SERBP1: variants seen among roughly 807,000 people sequenced by gnomAD.
The protein encoded by SERBP1 is SERPINE1 mRNA-binding protein 1.
A neutral mutation model predicts 50.2 loss-of-function variants in SERBP1; 6 were observed. The ratio of observed to expected loss-of-function variants is 0.12; its 90% CI spans 0.07 to 0.24. The LOEUF (loss-of-function observed/expected upper bound fraction) is 0.24. SERBP1 is among the 10% of genes least tolerant of loss of function. The pLI is 1.00. For missense variants in SERBP1, 346 were observed against 524.9 expected, an observed-to-expected ratio of 0.66 and a Z score of 3.33; for synonymous variants, 168 against 182.8, an observed-to-expected ratio of 0.92 and a Z score of 0.65.
At position 67,430,127 on chromosome 1, in the gene SERBP1, C is replaced by G. The variant is rs1184070024; in HGVS notation, c.174G>C (p.Ala58=). 1.9e-6 allele frequency: 3 copies of G among 1,611,858 alleles called. No homozygotes were observed. The highest frequency in any genetic ancestry group is 2.5e-6 in the Non-Finnish European group (3 of 1,179,806). Residue 58 remains alanine, a synonymous_variant, in exon 1 of 8, where the codon GCG becomes GCC. Transcript: ENST00000361219. ...CTGCCGCGTTGGAGTTGGTCTGGGCCGCGGCCTGAGCTGCGCTCTTGGCCC... is the reference window on the plus strand; with the variant it reads ...CTGCCGCGTTGGAGTTGGTCTGGGCGGCGGCCTGAGCTGCGCTCTTGGCCC... ...GPGAKSAAQA[A]AQTNSNAAGK...
At chr1:67,427,509 T>C (rs911239188) in intron 1 of SERBP1, among the ~76,000 whole-genome samples, 2 of 152,340 alleles carry the variant, frequency 1.3e-5, no homozygotes, top group African/African-American at 4.8e-5. Context: ...GCCTGTTAAC[T>C]GGAGCCAAAC....
rs771097727 is a variant in SERBP1 at position 67,409,388 on chromosome 1, C to CACGG, written c.*3818_*3819insCCGT. On this transcript the variant is annotated 3_prime_UTR_variant, in exon 8 of 8. Transcript: ENST00000361219. ...ACCATTCTTAACTCAGGGACACGGA[C>CACGG]ACACACACACACACACACACACACA... 4 of 85,882 alleles carry CACGG rather than the reference C, an allele frequency of 4.7e-5. No homozygotes were observed. The highest frequency in any genetic ancestry group is 9.4e-4 in the South Asian group (2 of 2,132). 5.3% of individuals were successfully genotyped at this position (85,882 alleles called of 1,614,324 possible).
intron 5 of SERBP1, chr1:67,420,418 T>G: frequency 2.4e-6 from 1 of 410,688 alleles, no homozygotes; most frequent in Non-Finnish European, 4.3e-6. Context: ...ACTTATGAAC[T>G]CTTAAATGAT....
At position 67,410,968 on chromosome 1, in the gene SERBP1, CAG is replaced by C. The variant is rs1374863534; in HGVS notation, c.*2237_*2238del. 1 of 152,088 alleles carries C rather than the reference CAG, an allele frequency of 6.6e-6. No homozygotes were observed. The highest frequency in any genetic ancestry group is 2.4e-5 in the African/African-American group (1 of 41,440). 9.4% of individuals were successfully genotyped at this position (152,088 alleles called of 1,614,324 possible). ...ATTCAATTTAAAAATTATAAACACA[CAG>C]GGGTGTGCACACAGGTCAGAAACCA... On this transcript the variant is annotated 3_prime_UTR_variant, in exon 8 of 8. Coordinates refer to ENST00000361219, the MANE Select transcript of SERBP1 (RefSeq NM_001018069.2).
chr1:67,408,330 T>C lies in SERBP1; in HGVS notation c.*4877A>G, dbSNP rs1209858616. On this transcript the variant is annotated 3_prime_UTR_variant, in exon 8 of 8. Coordinates refer to ENST00000361219, the MANE Select transcript of SERBP1 (RefSeq NM_001018069.2). ...TATACAAGTCTCAAGAAGAGTAATG[T>C]CATACAAGAGCACTAGGAATTGCCA... 6.6e-6 allele frequency: 1 copy of C among 152,184 alleles called. No homozygotes were observed. Among genetic ancestry groups the C allele is most frequent in the Non-Finnish European group, 1.5e-5 (1 of 68,040 alleles). 9.4% of individuals were successfully genotyped at this position (152,184 alleles called of 1,614,324 possible). A position where few individuals can be genotyped will look rare whatever the true frequency, so the allele number is the denominator to read the frequency against.
rs1666843248 is a variant in SERBP1 at position 67,411,497 on chromosome 1, G to C, written c.*1710C>G. The C allele has an allele frequency of 6.6e-6, 1 of 152,126 alleles. No individual in the cohort carries two copies. Among genetic ancestry groups the C allele is most frequent in the South Asian group, 2.1e-4 (1 of 4,836 alleles). The allele number at this position is 152,126 out of a possible 1,614,324, so 9.4% of individuals were successfully genotyped here. A position where few individuals can be genotyped will look rare whatever the true frequency, so the allele number is the denominator to read the frequency against. The stretch of plus-strand genomic sequence containing the variant: ...TGTGTGTAAATATAAAATTATATTA[G>C]ACATTAGCACCAGTGCAGAACATGC... On this transcript the variant is annotated 3_prime_UTR_variant, in exon 8 of 8. Coordinates refer to ENST00000361219, the MANE Select transcript of SERBP1 (RefSeq NM_001018069.2).
rs758790341 is a variant in SERBP1 at position 67,430,352 on chromosome 1, G to C, written c.-52C>G. On this transcript the variant is annotated 5_prime_UTR_variant, in exon 1 of 8. Transcript: ENST00000361219. ...CACGGATTGCAGCGGGCCGCGCCGAGCCAAGAGCGCCTGCTTCAGCTCTTC... is the reference window on the plus strand; with the variant it reads ...CACGGATTGCAGCGGGCCGCGCCGACCCAAGAGCGCCTGCTTCAGCTCTTC... The C allele has an allele frequency of 4.1e-6, 6 of 1,480,876 alleles. No homozygotes were observed. The highest frequency in any genetic ancestry group is 2.4e-5 in the East Asian group (1 of 41,806). 91.7% of individuals were successfully genotyped at this position (1,480,876 alleles called of 1,614,324 possible).
Position 67,424,011 on chromosome 1 carries a change from T to C in SERBP1, c.773+189A>G, listed in dbSNP as rs577249020. 1.3e-4 allele frequency among the ~76,000 whole-genome samples: 20 copies of C among 152,296 alleles called. No homozygotes were observed. The East Asian group carries it at 2.1e-3, about 16-fold the overall frequency. On this transcript the variant is annotated intron_variant, in intron 5 of 7. Transcript: ENST00000361219. ...CTGCCTAGGCAATATAGTGAGACCC[T>C]GTCTCTATTAAAAAAAGAAAAAAAA... is the stretch of plus-strand genomic sequence containing the variant.
intron 5 of SERBP1, among the ~76,000 whole-genome samples, chr1:67,422,512 A>G (rs907780271): frequency 6.7e-6 from 1 of 148,566 alleles, no homozygotes; most frequent in African/African-American, 2.4e-5. Context: ...CTCCATCTCA[A>G]AAAAAAAAAA....
intron 7 of SERBP1, 53 bp from the exon 8 acceptor site, chr1:67,413,316 T>C: frequency 2.7e-6 from 4 of 1,455,076 alleles, no homozygotes; most frequent in Non-Finnish European, 3.7e-6. Context: ...CAAAATTACA[T>C]TGTTAGCTAG....
intron 7 of SERBP1, among the ~76,000 whole-genome samples, chr1:67,414,723 A>G (rs891859229): frequency 6.6e-6 from 1 of 152,224 alleles, no homozygotes; most frequent in African/African-American, 2.4e-5. Context: ...CGTAAGAGGA[A>G]TTATACAAGG....
intron 4 of SERBP1, chr1:67,424,500 A>G (rs1667307028): frequency 1.9e-6 from 1 of 533,374 alleles, no homozygotes; most frequent in Non-Finnish European, 3.2e-6. Flanking sequence ...CTTCATACTT[A>G]AAAAGTAACA....
chr1:67,414,969 G>A (rs76296213), intron 7 of SERBP1, among the ~76,000 whole-genome samples, 197 bp downstream of exon 7: 1 of 152,244 alleles, frequency 6.6e-6, no homozygotes, highest in East Asian at 1.9e-4. Flanking sequence ...CAAAAGGGTG[G>A]TAACTTAACA....
At chr1:67,422,217 GAAGAA>G (rs920399022) in intron 5 of SERBP1, among the ~76,000 whole-genome samples, 3 of 152,010 alleles carry the variant, frequency 2.0e-5, no homozygotes, top group Admixed American at 1.3e-4. Flanking sequence ...AATTCTTTCT[GAAGAA>G]AAGAAAAAGT....
At chr1:67,424,010 C>T (rs1171847802) in intron 5 of SERBP1, among the ~76,000 whole-genome samples, 190 bp downstream of exon 5, 1 of 152,096 alleles carries the variant, frequency 6.6e-6, no homozygotes, top group African/African-American at 2.4e-5. Flanking sequence ...TAGTGAGACC[C>T]TGTCTCTATT....
rs146189844 is a variant in SERBP1, at chr1:67,408,437, G to A, written c.*4770C>T. ...ACATACTAACTCAAAAAAATAATTCGGTAAATCATTTTCTAACTTGTGTGG... is the reference window on the plus strand; with the variant it reads ...ACATACTAACTCAAAAAAATAATTCAGTAAATCATTTTCTAACTTGTGTGG... On this transcript the variant is annotated 3_prime_UTR_variant, in exon 8 of 8. Transcript: ENST00000361219. 8 of 152,106 alleles carry A rather than the reference G, an allele frequency of 5.3e-5. No individual in the cohort carries two copies. Among genetic ancestry groups the A allele is most frequent in the African/African-American group, 1.7e-4 (7 of 41,488 alleles). 9.4% of individuals were successfully genotyped at this position (152,106 alleles called of 1,614,324 possible). A position where few individuals can be genotyped will look rare whatever the true frequency, so the allele number is the denominator to read the frequency against.
chr1:67,420,754 T>TC (rs1332620225), intron 5 of SERBP1, among the ~76,000 whole-genome samples: 1 of 152,130 alleles, frequency 6.6e-6, no homozygotes, highest in African/African-American at 2.4e-5. Flanking sequence ...ATCCTTATAC[T>TC]CCAATTTTCA....
chr1:67,430,013 C>G lies in SERBP1; in HGVS notation c.288G>C (p.Gln96His). The G allele has an allele frequency of 3.1e-6, 5 of 1,611,072 alleles. No homozygotes were observed. Among genetic ancestry groups the G allele is most frequent in the Non-Finnish European group, 4.2e-6 (5 of 1,178,638 alleles). ...CTTCTTTCTTAAGCGCCACGGGCGG[C>G]TGCGTCTCCTCTTTCTTGTCAACCA... is the stretch of plus-strand genomic sequence containing the variant. ...VGVVDKKEET[Q>H]PPVALKKEGI... The change falls in exon 1 of 8, where the codon CAG becomes CAC. Residue 96 changes from glutamine to histidine, a missense_variant. By Grantham distance (24) the Gln-to-His change is conservative. Coordinates refer to ENST00000361219, the MANE Select transcript of SERBP1 (RefSeq NM_001018069.2).
intron 1 of SERBP1, 59 bp from the exon 2 acceptor site, chr1:67,426,344 C>T (rs1667379112): frequency 2.0e-6 from 3 of 1,491,730 alleles, no homozygotes; most frequent in Non-Finnish European, 2.7e-6. Context: ...AAACTTTAGG[C>T]CTGGACTGTC....
Sources: gnomAD v4.1 joint callset for allele counts (sites outside exome capture counted in the v4.1 genomes callset) on GRCh38, gnomAD v4.1.1 for gene constraint, MANE v1.5 for transcripts, NCBI Gene and HGNC (gene_info 2026-07-23, HGNC 2026-07-21) for gene names.